The following RYR2 variants were observed in gnomAD, a reference collection of about 807,000 sequenced individuals.
RYR2 encodes cardiac muscle ryanodine receptor-calcium release channel.
Under a neutral mutation model 601.1 loss-of-function variants are expected in RYR2, and 227 were observed. That is an observed-to-expected ratio of 0.38 (90% confidence interval 0.34 to 0.42). The LOEUF (loss-of-function observed/expected upper bound fraction) is 0.42. Ranked by LOEUF, RYR2 falls within the 10% of genes least tolerant of loss-of-function variation. The pLI, the probability that RYR2 is intolerant of heterozygous loss-of-function variation, is 1.00. For synonymous variants in RYR2, 2,223 were observed against 2,175.1 expected (o/e 1.02, Z -0.61); for missense variants, 4,646 against 6,156.5 (o/e 0.75, Z 8.21).
At chr1:237,475,198 C>T (rs905768375) in intron 17 of RYR2, among the ~76,000 whole-genome samples, 1 of 152,204 alleles carries the variant, frequency 6.6e-6, no homozygotes, top group South Asian at 2.1e-4. Flanking sequence ...AACCAGCTCC[C>T]GGAGCCAGGC....
chr1:237,292,564 C>T (rs542495608), intron 2 of RYR2, among the ~76,000 whole-genome samples: 6 of 152,188 alleles, frequency 3.9e-5, no homozygotes, highest in Admixed American at 6.5e-5. Flanking sequence ...AGTACTCTGT[C>T]AGAAAATAGC....
intron 10 of RYR2, among the ~76,000 whole-genome samples, chr1:237,400,582 T>C (rs1477419842): frequency 6.6e-6 from 1 of 152,180 alleles, no homozygotes; most frequent in Non-Finnish European, 1.5e-5. Context: ...ACTATCCTGA[T>C]GGGAGGGAGA....
At position 237,513,239 on chromosome 1, in the gene RYR2, G is replaced by A. The variant is rs371413302; in HGVS notation, c.2822+1448G>A. ...TAATTTCGAATTTTGATATAGAAAA[G>A]TAAAGAGAATATTTTTGCAAAGCCA... On this transcript the variant is annotated intron_variant, in intron 24 of 104. Transcript: ENST00000366574. Among the ~76,000 whole-genome samples, 15 of 152,296 alleles carry A rather than the reference G, an allele frequency of 9.8e-5. 1 individual carries two copies. The highest frequency in any genetic ancestry group is 3.4e-4 in the African/African-American group (14 of 41,564).
chr1:237,787,146 A>G (rs2149363490), intron 91 of RYR2, among the ~76,000 whole-genome samples: 1 of 152,138 alleles, frequency 6.6e-6, no homozygotes, highest in Admixed American at 6.5e-5. Context: ...TGGAATTAAT[A>G]TATCATTACT....
At chr1:237,649,617 T>G (rs929639684) in intron 49 of RYR2, among the ~76,000 whole-genome samples, 2 of 152,180 alleles carry the variant, frequency 1.3e-5, no homozygotes, top group African/African-American at 4.8e-5. Flanking sequence ...AATGATAGAG[T>G]CTGAACCTGT....
intron 1 of RYR2, among the ~76,000 whole-genome samples, chr1:237,248,758 C>CT (rs1687154069): frequency 8.7e-6 from 1 of 115,260 alleles, no homozygotes; most frequent in African/African-American, 3.7e-5. Context: ...AATGAATGTA[C>CT]ATTTTTTTTT....
intron 31 of RYR2, among the ~76,000 whole-genome samples, chr1:237,591,455 G>A (rs1559078144): frequency 6.6e-6 from 1 of 151,950 alleles, no homozygotes; most frequent in Non-Finnish European, 1.5e-5. Flanking sequence ...GAGTTTCTCA[G>A]TCTCAGCACT....
chr1:237,101,760 C>T (rs1668129150), intron 1 of RYR2, among the ~76,000 whole-genome samples: 1 of 152,186 alleles, frequency 6.6e-6, no homozygotes, highest in Admixed American at 6.5e-5. Context: ...CCCCATAACC[C>T]AGGAAAGTCT....
At chr1:237,398,105 G>T (rs1308793908) in intron 10 of RYR2, among the ~76,000 whole-genome samples, 3 of 152,074 alleles carry the variant, frequency 2.0e-5, no homozygotes, top group Admixed American at 2.0e-4. Context: ...GCCAGTCATT[G>T]TGTCTAGACT....
Position 237,441,410 on chromosome 1 carries a change from T to C in RYR2, c.1097T>C (p.Val366Ala), listed in dbSNP as rs1209129267. The part of the protein sequence containing the change: ...YGDSVCYIQH[V>A]DTGLWLTYQS... Reference sequence around the variant, plus strand: ...GACTCAGTATGCTATATACAACATGTAGACACAGGCCTATGGCTTACTTAC... The same window carrying C: ...GACTCAGTATGCTATATACAACATGCAGACACAGGCCTATGGCTTACTTAC... The change falls in exon 13 of 105, where the codon GTA (valine) becomes GCA (alanine). Residue 366 changes from valine to alanine, a missense_variant. By Grantham distance (64) the Val-to-Ala change is moderately conservative. Transcript: ENST00000366574. 7.4e-6 allele frequency: 12 copies of C among 1,613,146 alleles called. No individual in the cohort carries two copies. The highest frequency in any genetic ancestry group is 1.0e-5 in the Non-Finnish European group (12 of 1,179,412).
intron 1 of RYR2, among the ~76,000 whole-genome samples, chr1:237,154,972 A>G (rs1440159156): frequency 1.3e-5 from 2 of 151,902 alleles, no homozygotes; most frequent in Non-Finnish European, 2.9e-5. Context: ...CATACTTTCT[A>G]CTCTTGTACT....
chr1:237,547,152 C>A (rs1669913581), intron 25 of RYR2, among the ~76,000 whole-genome samples: 1 of 151,494 alleles, frequency 6.6e-6, no homozygotes, highest in Non-Finnish European at 1.5e-5. Context: ...ATTACAGGCA[C>A]CCGCCACCAC....
At chr1:237,225,219 T>C (rs1684231934) in intron 1 of RYR2, among the ~76,000 whole-genome samples, 1 of 152,158 alleles carries the variant, frequency 6.6e-6, no homozygotes, top group African/African-American at 2.4e-5. Flanking sequence ...GATTAAAATA[T>C]CAAATTTATT....
At chr1:237,312,323 C>T (rs1460917762) in intron 2 of RYR2, among the ~76,000 whole-genome samples, 3 of 152,160 alleles carry the variant, frequency 2.0e-5, no homozygotes, top group Non-Finnish European at 4.4e-5. Flanking sequence ...GATGTTAGAA[C>T]CTGAATATAA....
intron 22 of RYR2, among the ~76,000 whole-genome samples, chr1:237,505,111 T>C (rs967080314): frequency 1.3e-5 from 2 of 152,222 alleles, no homozygotes; most frequent in Admixed American, 1.3e-4. Context: ...TCAAAGTGCC[T>C]GGCATCAAGT....
chr1:237,161,771 T>C (rs1676043119), intron 1 of RYR2, among the ~76,000 whole-genome samples: 1 of 152,152 alleles, frequency 6.6e-6, no homozygotes, highest in Non-Finnish European at 1.5e-5. Flanking sequence ...AAAAAAGACC[T>C]GACAACTAAC....
At chr1:237,602,321 A>C (rs1431792675) in intron 35 of RYR2, among the ~76,000 whole-genome samples, 1 of 152,036 alleles carries the variant, frequency 6.6e-6, no homozygotes, top group Non-Finnish European at 1.5e-5. Flanking sequence ...TCATATGTAT[A>C]TTATTCAATA....
chr1:237,577,513 T>TGA lies in RYR2; in HGVS notation c.3598+8195_3598+8196insAG, dbSNP rs1276115857. Among the ~76,000 whole-genome samples the TGA allele has an allele frequency of 5.8e-3, 343 of 58,892 alleles. 1 individual carries two copies. The highest frequency in any genetic ancestry group is 0.018 in the East Asian group (44 of 2,444). 38.6% of individuals were successfully genotyped at this position (58,892 alleles called of 152,430 possible). A position where few individuals can be genotyped will look rare whatever the true frequency, so the allele number is the denominator to read the frequency against. On this transcript the variant is annotated intron_variant, in intron 29 of 104. Transcript: ENST00000366574. ...GAGTGTGTGTTTCTGTGTGTGTGTG[T>TGA]GTGTGTGTGTGTGTGTGTGTGTGCG...
intron 1 of RYR2, among the ~76,000 whole-genome samples, chr1:237,127,146 T>C (rs1461408060): frequency 6.6e-6 from 1 of 152,036 alleles, no homozygotes; most frequent in Non-Finnish European, 1.5e-5. Context: ...GAATTTTTCT[T>C]AGTACAGAAC....
Sources: allele counts gnomAD v4.1 joint callset (sites outside exome capture counted in the v4.1 genomes callset), GRCh38; gene constraint gnomAD v4.1.1; transcripts MANE v1.5; gene names NCBI Gene and HGNC (gene_info 2026-07-23, HGNC 2026-07-21).